The following ZC3H3 variants were observed in gnomAD, a reference collection of about 807,000 sequenced individuals.
ZC3H3 encodes the protein zinc finger CCCH-type containing 3, also known as zinc finger CCCH domain-containing protein 3.
ZC3H3 carries 36 observed loss-of-function variants against 77.3 expected under a neutral mutation model. The observed-to-expected ratio is 0.47, with a 90% CI of 0.36 to 0.61. The LOEUF is 0.61. Among genes scored for constraint, ZC3H3 ranks in the 20% least tolerant of loss-of-function variants. The pLI is 0.00. For synonymous variants in ZC3H3, 626 were observed against 555.2 expected (o/e 1.13, Z -1.79); for missense variants, 1,331 against 1,312.2 (o/e 1.01, Z -0.22).
chr8:143,450,589 T>C (rs1819963126), intron 9 of ZC3H3, among the ~76,000 whole-genome samples: 1 of 152,072 alleles, frequency 6.6e-6, no homozygotes, highest in Non-Finnish European at 1.5e-5. Context: ...GAGCTTCCAA[T>C]CGTGGCAGAA....
At chr8:143,463,925 CAAGGA>C (rs1309206720) in intron 9 of ZC3H3, among the ~76,000 whole-genome samples, 6 of 152,250 alleles carry the variant, frequency 3.9e-5, no homozygotes, top group Non-Finnish European at 8.8e-5. Flanking sequence ...AAATTATTCA[CAAGGA>C]AAGGGAATGT....
At chr8:143,477,232 T>C (rs1365965545) in intron 4 of ZC3H3, among the ~76,000 whole-genome samples, 2 of 152,174 alleles carry the variant, frequency 1.3e-5, no homozygotes, top group Non-Finnish European at 2.9e-5. Context: ...GGAGCTGCAG[T>C]GTAAGTACAA....
intron 9 of ZC3H3, among the ~76,000 whole-genome samples, chr8:143,449,691 T>C (rs568179336): frequency 6.6e-6 from 1 of 152,198 alleles, no homozygotes; most frequent in South Asian, 2.1e-4. Context: ...TGAGCTGAGA[T>C]TGCGCCACTG....
chr8:143,478,909 G>A (rs1563850848), intron 4 of ZC3H3, among the ~76,000 whole-genome samples: 1 of 152,240 alleles, frequency 6.6e-6, no homozygotes, highest in Non-Finnish European at 1.5e-5. Flanking sequence ...ACACCCAGAG[G>A]ACATTAGAGG....
intron 4 of ZC3H3, among the ~76,000 whole-genome samples, chr8:143,486,192 A>C (rs892121474): frequency 6.6e-6 from 1 of 152,254 alleles, no homozygotes; most frequent in African/African-American, 2.4e-5. Context: ...ATATCACAGA[A>C]CACCACACGG....
rs1269828851 is a variant in ZC3H3 at position 143,536,270 on chromosome 8, GAGGTGGGCCCGGCTCGGTGGC to G, written c.1527_1547del (p.Pro511_Pro517del). On this transcript the variant is annotated inframe_deletion, in exon 3 of 12. Transcript: ENST00000262577. The stretch of plus-strand genomic sequence containing the variant: ...CTCCCAGCATACCTTCCTTGGTGGG[GAGGTGGGCCCGGCTCGGTGGC>G]AGGCGACATAGTCGGTGCGTGGTGA... 5 of 1,611,082 alleles carry G rather than the reference GAGGTGGGCCCGGCTCGGTGGC, an allele frequency of 3.1e-6. No homozygotes were observed. The African/African-American group carries it at 6.7e-5, about 22-fold the overall frequency.
At chr8:143,497,604 C>T (rs1821389507) in intron 4 of ZC3H3, among the ~76,000 whole-genome samples, 2 of 152,192 alleles carry the variant, frequency 1.3e-5, no homozygotes, top group South Asian at 2.1e-4. Context: ...TCAGTGGAGT[C>T]CTGGAGTAGG....
chr8:143,446,973 C>G (rs1819876915), intron 9 of ZC3H3, among the ~76,000 whole-genome samples: 1 of 152,268 alleles, frequency 6.6e-6, no homozygotes, highest in Admixed American at 6.5e-5. Flanking sequence ...CAGCCTGGCC[C>G]TGGGAGCATG....
chr8:143,507,807 TG>T lies in ZC3H3; in HGVS notation c.1653del (p.Ser552AlafsTer25). ...AGAGACAGGGGGAAGGGCGGGGCGC[TG>T]AGAGGCGAGGCCGGCGTCTTCTTGA... ...RIVKKTPASP[L>X]SAPPFPLSLP... On this transcript the variant is annotated frameshift_variant, in exon 4 of 12. Coordinates refer to ENST00000262577, the MANE Select transcript of ZC3H3 (RefSeq NM_015117.3). LOFTEE classifies it high-confidence loss of function. The T allele has an allele frequency of 6.2e-7, 1 of 1,606,392 alleles. No homozygotes were observed. The highest frequency in any genetic ancestry group is 8.5e-7 in the Non-Finnish European group (1 of 1,177,880).
At chr8:143,512,441 C>T (rs551956843) in intron 3 of ZC3H3, among the ~76,000 whole-genome samples, 55 of 152,388 alleles carry the variant, frequency 3.6e-4, no homozygotes, top group Non-Finnish European at 7.2e-4. Context: ...TCTTTCCAGT[C>T]CTCTTGCAGT....
chr8:143,446,910 AGTGGAGAGCCTCAG>A (rs2129803813), intron 9 of ZC3H3, among the ~76,000 whole-genome samples: 1 of 152,366 alleles, frequency 6.6e-6, no homozygotes, highest in East Asian at 1.9e-4. Flanking sequence ...GCACCAAGAC[AGTGGAGAGCCTCAG>A]GTGAATCTCC....
At chr8:143,497,532 C>A (rs1039200706) in intron 4 of ZC3H3, among the ~76,000 whole-genome samples, 3 of 152,264 alleles carry the variant, frequency 2.0e-5, no homozygotes, top group African/African-American at 7.2e-5. Flanking sequence ...CCGCCTGCCC[C>A]TGTCCCATCC....
chr8:143,508,458 C>T (rs1254638342), intron 3 of ZC3H3, among the ~76,000 whole-genome samples: 3 of 152,258 alleles, frequency 2.0e-5, no homozygotes, highest in Non-Finnish European at 2.9e-5. Context: ...GTTTTCATAA[C>T]ATTTTGCAGG....
chr8:143,517,903 G>A lies in ZC3H3; in HGVS notation c.1562-10004C>T, dbSNP rs539876793. Among the ~76,000 whole-genome samples the A allele has an allele frequency of 2.8e-4, 43 of 152,342 alleles. 1 individual carries two copies. In the Middle Eastern group the frequency reaches 0.01, roughly 36 times the overall value. Reference sequence around the variant, plus strand: ...TGGGAGCACTCAGATACTCGAGGGCGGAAGAGCAGCCCCCAGAGGACAGAC... The same window carrying A: ...TGGGAGCACTCAGATACTCGAGGGCAGAAGAGCAGCCCCCAGAGGACAGAC... On this transcript the variant is annotated intron_variant, in intron 3 of 11. Transcript: ENST00000262577.
Position 143,526,423 on chromosome 8 carries a change from G to A in ZC3H3, c.1561+9834C>T, listed in dbSNP as rs766118547. Reference sequence around the variant, plus strand: ...CTCTCCCAGTCCTGCTGCTGGTGCCGAGCAGGAGACCCCTCAGGGAACCAG... The same window carrying A: ...CTCTCCCAGTCCTGCTGCTGGTGCCAAGCAGGAGACCCCTCAGGGAACCAG... On this transcript the variant is annotated intron_variant, in intron 3 of 11. Transcript: ENST00000262577. Among the ~76,000 whole-genome samples the A allele has an allele frequency of 5.9e-5, 9 of 152,226 alleles. No individual in the cohort carries two copies. In the East Asian group the frequency reaches 1.5e-3, roughly 26 times the overall value.
At chr8:143,479,266 G>A (rs777532713) in intron 4 of ZC3H3, among the ~76,000 whole-genome samples, 9 of 152,190 alleles carry the variant, frequency 5.9e-5, no homozygotes, top group African/African-American at 1.2e-4. Flanking sequence ...GGCATGGGGC[G>A]AGGGCCTTGT....
rs759923849 is a variant in ZC3H3 at position 143,465,731 on chromosome 8, G to C, written c.2293C>G (p.Pro765Ala). Residue 765 changes from proline (P) to alanine (A), a missense_variant, in exon 9 of 12, where the codon CCC becomes GCC. By Grantham distance (27) the Pro-to-Ala change is conservative. Coordinates refer to ENST00000262577, the MANE Select transcript of ZC3H3 (RefSeq NM_015117.3). Reference protein sequence around the residue: ...VCSDFLKGYCPLGAKCKKKHT... With the variant: ...VCSDFLKGYCALGAKCKKKHT... ...AGACCACTCACCTTTGCACCCAGGG[G>C]GCAGTAGCCTTTGAGGAAGTCGCTG... 13 of 1,613,868 alleles carry C rather than the reference G, an allele frequency of 8.1e-6. No homozygotes were observed. Among genetic ancestry groups the C allele is most frequent in the Non-Finnish European group, 1.1e-5 (13 of 1,179,998 alleles).
chr8:143,486,814 G>A (rs976895458), intron 4 of ZC3H3, among the ~76,000 whole-genome samples: 1 of 139,968 alleles, frequency 7.1e-6, no homozygotes, highest in South Asian at 2.4e-4. Flanking sequence ...CCATCACCAC[G>A]AAGCTCAGAC....
chr8:143,468,832 G>A (rs1222022673), intron 5 of ZC3H3, among the ~76,000 whole-genome samples, 173 bp from the exon 6 acceptor site: 1 of 152,210 alleles, frequency 6.6e-6, no homozygotes, highest in East Asian at 1.9e-4. Context: ...AGATGCCCTG[G>A]GCCCTGCCAG....
Sources: allele counts gnomAD v4.1 joint callset (sites outside exome capture counted in the v4.1 genomes callset), GRCh38; gene constraint gnomAD v4.1.1; transcripts MANE v1.5; gene names NCBI Gene and HGNC (gene_info 2026-07-23, HGNC 2026-07-21).